NAV3: variants seen among roughly 807,000 people sequenced by gnomAD.
NAV3 encodes pore membrane and/or filament interacting like protein 1.
NAV3 carries 87 observed loss-of-function variants against 244.7 expected under a neutral mutation model. The observed-to-expected ratio is 0.36, with a 90% CI of 0.30 to 0.42. NAV3 has a LOEUF of 0.42. NAV3 is among the 20% of genes least tolerant of loss of function. The probability of loss-of-function intolerance (pLI) is 1.00; values close to 1 mark genes in which losing one functional copy is unlikely to be tolerated. For missense variants in NAV3, 2,663 were observed against 2,893.3 expected (o/e 0.92, Z 1.83); for synonymous variants, 1,126 against 1,042.2 (o/e 1.08, Z -1.55).
chr12:78,003,839 A>C (rs1593250602), intron 7 of NAV3, among the ~76,000 whole-genome samples: 1 of 152,244 alleles, frequency 6.6e-6, no homozygotes. Context: ...TCTCACATCA[A>C]CTCAGAGGAA....
intron 2 of NAV3, among the ~76,000 whole-genome samples, chr12:77,731,473 C>G (rs878986677): frequency 6.6e-6 from 1 of 151,850 alleles, no homozygotes; most frequent in African/African-American, 2.4e-5. Context: ...AACATATTTA[C>G]CTAGTTAGTA....
chr12:77,872,881 CA>C (rs1555220673), intron 1 of NAV3, among the ~76,000 whole-genome samples: 1 of 152,064 alleles, frequency 6.6e-6, no homozygotes, highest in Non-Finnish European at 1.5e-5. Flanking sequence ...AAAGTTTTTA[CA>C]AACCTTTATC....
At chr12:78,182,899 A>G (rs138661028) in intron 30 of NAV3, among the ~76,000 whole-genome samples, 1 of 152,100 alleles carries the variant, frequency 6.6e-6, no homozygotes. Context: ...AACTGCCTTT[A>G]TGCTGGGGCT....
At chr12:77,768,369 A>T (rs1306500267) in intron 2 of NAV3, among the ~76,000 whole-genome samples, 1 of 152,144 alleles carries the variant, frequency 6.6e-6, no homozygotes, top group Non-Finnish European at 1.5e-5. Context: ...GCCACCATTT[A>T]CATGTCATCC....
intron 34 of NAV3, among the ~76,000 whole-genome samples, chr12:78,192,498 T>C (rs177280): frequency 0.61 from 92,958 of 151,312 alleles, 29,224 homozygotes; most frequent in East Asian, 0.82. Flanking sequence ...CTCTGCCTCC[T>C]GGGTTCAAGC....
chr12:77,586,930 A>G (rs1869643514), intron 2 of NAV3, among the ~76,000 whole-genome samples: 1 of 152,188 alleles, frequency 6.6e-6, no homozygotes, highest in Admixed American at 6.5e-5. Flanking sequence ...TCAGAGTTTG[A>G]TCAATGAAAG....
chr12:78,193,028 G>T (rs1473907973), intron 34 of NAV3, among the ~76,000 whole-genome samples: 2 of 152,086 alleles, frequency 1.3e-5, no homozygotes. Flanking sequence ...AATGAGGCAT[G>T]AAATAATAAA....
At chr12:77,624,470 C>T (rs1041241203) in intron 2 of NAV3, among the ~76,000 whole-genome samples, 4 of 152,126 alleles carry the variant, frequency 2.6e-5, no homozygotes, top group Non-Finnish European at 5.9e-5. Flanking sequence ...TCTGATGTTT[C>T]AAAAGGAACA....
intron 2 of NAV3, among the ~76,000 whole-genome samples, chr12:77,787,478 A>G (rs1870958557): frequency 6.6e-6 from 1 of 152,198 alleles, no homozygotes; most frequent in African/African-American, 2.4e-5. Context: ...TGATGGAAAG[A>G]GAAGCAAACA....
In NAV3 at chr12:78,074,144, GGGAAAAGTCAAGAA is replaced by G. The variant is rs527397007; in HGVS notation, c.2636+15033_2636+15046del. Among the ~76,000 whole-genome samples, 661 of 152,284 alleles carry G rather than the reference GGGAAAAGTCAAGAA, an allele frequency of 4.3e-3. 4 individuals carry two copies. The highest frequency in any genetic ancestry group is 0.015 in the African/African-American group (617 of 41,564). ...CCCACAAAAGCACTGAGAACACTGT[GGGAAAAGTCAAGAA>G]GGAGGCAGTTTATACTACAGGAATC... On this transcript the variant is annotated intron_variant, in intron 12 of 39. Transcript: ENST00000397909.
At chr12:78,126,289 T>C (rs1282674521) in intron 16 of NAV3, among the ~76,000 whole-genome samples, 3 of 152,192 alleles carry the variant, frequency 2.0e-5, no homozygotes, top group Non-Finnish European at 2.9e-5. Flanking sequence ...ATCATCCCCA[T>C]TATGCGTATC....
chr12:77,872,956 A>C (rs1300897515), intron 1 of NAV3, among the ~76,000 whole-genome samples: 1 of 152,084 alleles, frequency 6.6e-6, no homozygotes, highest in Non-Finnish European at 1.5e-5. Context: ...CATAATCCCC[A>C]CATGTCATGG....
chr12:77,627,410 G>C (rs1158208784), intron 2 of NAV3, among the ~76,000 whole-genome samples: 1 of 152,062 alleles, frequency 6.6e-6, no homozygotes, highest in Non-Finnish European at 1.5e-5. Context: ...ACTCAAAGTA[G>C]AAAATGTAAA....
At chr12:77,601,681 G>A (rs1371050903) in intron 2 of NAV3, among the ~76,000 whole-genome samples, 1 of 151,972 alleles carries the variant, frequency 6.6e-6, no homozygotes, top group Non-Finnish European at 1.5e-5. Flanking sequence ...ACTTTCAGAA[G>A]TTTTGATGCA....
rs762802499 is a variant in NAV3, at chr12:78,050,823, C to A, written c.2192C>A (p.Pro731His). Residue 731 changes from proline to histidine, a missense_variant, in exon 11 of 40, where the codon CCC (proline) becomes CAC (histidine). Pro to His is a moderately conservative substitution (Grantham distance 77). This residue lies in a region of NAV3 where 1,521 missense variants were observed against 1,497.0 expected (regional missense o/e 1.02). Transcript: ENST00000397909. ...VTTEVNGRTI[P>H]NLTSRPTPMT... The stretch of plus-strand genomic sequence containing the variant: ...ACAGAAGTTAATGGAAGGACCATAC[C>A]CAACTTGACAAGTCGACCCACCCCC... 1 of 1,613,420 alleles carries A rather than the reference C, an allele frequency of 6.2e-7. No individual in the cohort carries two copies. Among genetic ancestry groups the A allele is most frequent in the Non-Finnish European group, 8.5e-7 (1 of 1,179,546 alleles).
chr12:78,173,169 A>T (rs1445199642), intron 24 of NAV3, among the ~76,000 whole-genome samples: 1 of 151,592 alleles, frequency 6.6e-6, no homozygotes, highest in Non-Finnish European at 1.5e-5. Context: ...CCATATACTG[A>T]ATTAAATACT....
chr12:77,970,629 T>C (rs898324941), intron 5 of NAV3, among the ~76,000 whole-genome samples: 19 of 152,120 alleles, frequency 1.2e-4, no homozygotes, highest in African/African-American at 4.3e-4. Context: ...ATTTGACTGT[T>C]CTTTAAGCTC....
intron 12 of NAV3, chr12:78,091,650 G>A (rs1953941679): frequency 1.3e-5 from 2 of 151,002 alleles, no homozygotes; most frequent in Non-Finnish European, 2.9e-5. Context: ...CAAAAAATTA[G>A]CCGGGCGTAG....
rs865885767 is a variant in NAV3, at chr12:77,713,077, A to T, written c.72+140811A>T. Among the ~76,000 whole-genome samples the T allele has an allele frequency of 3.9e-5, 6 of 152,294 alleles. No individual in the cohort carries two copies. In the East Asian group the frequency reaches 9.6e-4, roughly 24 times the overall value. ...AGCTAGCATAACTCAGTTTCTACCA[A>T]CCGAGAGATTGCCAGGCCCAAGAAA... is the stretch of plus-strand genomic sequence containing the variant. On this transcript the variant is annotated intron_variant, in intron 2 of 8. Coordinates refer to the NAV3 transcript ENST00000550042.
Sources: gnomAD v4.1 joint callset for allele counts (sites outside exome capture counted in the v4.1 genomes callset) on GRCh38, gnomAD v4.1.1 for gene constraint, gnomAD v4.1.1 regional missense constraint, MANE v1.5 for transcripts, NCBI Gene and HGNC (gene_info 2026-07-23, HGNC 2026-07-21) for gene names.